RALYL: variants seen among roughly 807,000 people sequenced by gnomAD.
RALYL encodes the protein RALY RNA binding protein like, also known as RNA-binding Raly-like protein.
In RALYL, 29 loss-of-function variants were observed where a neutral mutation model predicts 35.1. That is an observed-to-expected ratio of 0.83 (90% CI 0.61 to 1.13). The LOEUF (loss-of-function observed/expected upper bound fraction) is 1.13, where lower values mean the gene tolerates loss of function less well. Among genes scored for constraint, RALYL ranks in the 50% most tolerant of loss-of-function variants. The pLI is 0.00. For missense variants in RALYL, 359 were observed against 360.4 expected (o/e 1.00, Z 0.03); for synonymous variants, 120 against 127.6 (o/e 0.94, Z 0.40).
chr8:84,839,209 C>G (rs1201173158), intron 4 of RALYL, among the ~76,000 whole-genome samples: 3 of 152,230 alleles, frequency 2.0e-5, no homozygotes, highest in Non-Finnish European at 4.4e-5. Flanking sequence ...CAGGGAATTC[C>G]CTTTCCTAGT....
chr8:84,640,006 C>T (rs1426238802), intron 2 of RALYL, among the ~76,000 whole-genome samples: 1 of 151,936 alleles, frequency 6.6e-6, no homozygotes, highest in Non-Finnish European at 1.5e-5. Flanking sequence ...TCTGTGTGCC[C>T]ATCCCTGACT....
chr8:84,796,482 A>C (rs571290372), intron 3 of RALYL, among the ~76,000 whole-genome samples: 2 of 152,340 alleles, frequency 1.3e-5, no homozygotes, highest in South Asian at 4.1e-4. Context: ...CAATAAATGA[A>C]TTTTTAAGAA....
In RALYL at chr8:84,613,371, A is replaced by T. The variant is rs138337729; in HGVS notation, c.256+83794A>T. Among the ~76,000 whole-genome samples the T allele has an allele frequency of 2.9e-4, 44 of 151,698 alleles. 1 individual carries two copies. In the East Asian group the frequency reaches 8.5e-3, roughly 29 times the overall value. Reference sequence around the variant, plus strand: ...AATTGATGCTAAACATAATCACAAAATTTGGGCAGAAAGCTCATGTGACAT... The same window carrying T: ...AATTGATGCTAAACATAATCACAAATTTTGGGCAGAAAGCTCATGTGACAT... On this transcript the variant is annotated intron_variant, in intron 2 of 8. Transcript: ENST00000521268.
At chr8:84,658,757 G>T (rs1387502668) in intron 2 of RALYL, among the ~76,000 whole-genome samples, 1 of 152,056 alleles carries the variant, frequency 6.6e-6, no homozygotes, top group African/African-American at 2.4e-5. Context: ...GATACTCTGT[G>T]GCTAGAATTT....
At chr8:84,311,649 T>A (rs530005639) in intron 1 of RALYL, among the ~76,000 whole-genome samples, 1 of 152,106 alleles carries the variant, frequency 6.6e-6, no homozygotes, top group Non-Finnish European at 1.5e-5. Flanking sequence ...TAAAATACCA[T>A]AGAGATTATT....
chr8:84,704,462 C>T (rs1327676268), intron 2 of RALYL, among the ~76,000 whole-genome samples: 1 of 135,462 alleles, frequency 7.4e-6, no homozygotes, highest in African/African-American at 3.1e-5. Context: ...CACACACACA[C>T]ACACACACAC....
At chr8:84,556,310 C>T (rs887427717) in intron 2 of RALYL, among the ~76,000 whole-genome samples, 1 of 152,082 alleles carries the variant, frequency 6.6e-6, no homozygotes, top group Non-Finnish European at 1.5e-5. Context: ...AAGAGTTTTA[C>T]ATTAAGCATC....
chr8:84,920,323 T>C (rs1225756416), intron 8 of RALYL, among the ~76,000 whole-genome samples: 1 of 152,130 alleles, frequency 6.6e-6, no homozygotes, highest in Non-Finnish European at 1.5e-5. Flanking sequence ...CAATCAGTTG[T>C]TCAACCAATT....
rs191048367 is a variant in RALYL, at chr8:84,600,956, A to T, written c.256+71379A>T. ...CAATAACTGAATTAAGTTAAACAAT[A>T]TGTTCAGGAAACATTTAGTAAGTGC... On this transcript the variant is annotated intron_variant, in intron 2 of 8. Coordinates refer to ENST00000521268, the MANE Select transcript of RALYL (RefSeq NM_173848.7). Among the ~76,000 whole-genome samples, 17 of 152,240 alleles carry T rather than the reference A, an allele frequency of 1.1e-4. No individual in the cohort carries two copies. The East Asian group carries it at 3.1e-3, about 28-fold the overall frequency.
chr8:84,765,069 G>A (rs945561491), intron 2 of RALYL, among the ~76,000 whole-genome samples: 1 of 152,110 alleles, frequency 6.6e-6, no homozygotes, highest in East Asian at 1.9e-4. Context: ...GTAAACCACA[G>A]GGCTGTGAAC....
chr8:84,782,870 T>C (rs1348390160), intron 3 of RALYL, among the ~76,000 whole-genome samples: 1 of 152,228 alleles, frequency 6.6e-6, no homozygotes. Flanking sequence ...TCAGTGTTGA[T>C]TTCATTTGTT....
At chr8:84,670,233 A>G (rs1832941882) in intron 2 of RALYL, among the ~76,000 whole-genome samples, 1 of 152,176 alleles carries the variant, frequency 6.6e-6, no homozygotes, top group Non-Finnish European at 1.5e-5. Context: ...TTTCCCTAAA[A>G]ATACAGATGA....
At chr8:84,882,567 A>T (rs1354486956) in intron 7 of RALYL, among the ~76,000 whole-genome samples, 2 of 152,048 alleles carry the variant, frequency 1.3e-5, no homozygotes, top group Non-Finnish European at 2.9e-5. Context: ...AATTTGACAC[A>T]TTTGATATTT....
At chr8:84,604,451 G>A (rs1474973109) in intron 2 of RALYL, among the ~76,000 whole-genome samples, 2 of 152,146 alleles carry the variant, frequency 1.3e-5, no homozygotes, top group East Asian at 3.9e-4. Flanking sequence ...GATGTGAAAT[G>A]TACTGACAAC....
At chr8:84,504,112 T>C (rs1356903867) in intron 1 of RALYL, among the ~76,000 whole-genome samples, 1 of 151,926 alleles carries the variant, frequency 6.6e-6, no homozygotes, top group East Asian at 1.9e-4. Context: ...AAATAGTTAC[T>C]ATAAAGAACA....
At chr8:84,732,924 T>G (rs1271688198) in intron 2 of RALYL, among the ~76,000 whole-genome samples, 1 of 151,892 alleles carries the variant, frequency 6.6e-6, no homozygotes, top group Non-Finnish European at 1.5e-5. Flanking sequence ...CTAGAACTCC[T>G]GACCTCCAGT....
chr8:84,208,823 T>C (rs1818706282), intron 1 of RALYL, among the ~76,000 whole-genome samples: 1 of 151,744 alleles, frequency 6.6e-6, no homozygotes, highest in Non-Finnish European at 1.5e-5. Context: ...AAATCAGGGG[T>C]CACAAACAAA....
At chr8:84,505,441 A>T (rs1009609030) in intron 1 of RALYL, among the ~76,000 whole-genome samples, 1 of 151,830 alleles carries the variant, frequency 6.6e-6, no homozygotes, top group Non-Finnish European at 1.5e-5. Context: ...GTTGCCATAC[A>T]TATTATTTAC....
At chr8:84,711,664 G>A (rs182502977) in intron 2 of RALYL, among the ~76,000 whole-genome samples, 7 of 152,258 alleles carry the variant, frequency 4.6e-5, no homozygotes, top group Admixed American at 3.3e-4. Flanking sequence ...CTCAATTGAT[G>A]TGTAAAATTG....
Sources: allele counts gnomAD v4.1 joint callset (sites outside exome capture counted in the v4.1 genomes callset), GRCh38; gene constraint gnomAD v4.1.1; transcripts MANE v1.5; gene names NCBI Gene and HGNC (gene_info 2026-07-23, HGNC 2026-07-21).